Variants in DOK7 observed in about 807,000 individuals in gnomAD.
DOK7 encodes the protein docking protein 7.
Under a neutral mutation model 30.7 loss-of-function variants are expected in DOK7, and 32 were observed. The observed-to-expected ratio is 1.04, with a 90% CI of 0.79 to 1.40. The LOEUF is 1.40. Among genes scored for constraint, DOK7 ranks in the 40% most tolerant of loss-of-function variants. DOK7 has a pLI of 0.00. For synonymous variants in DOK7, 447 were observed against 324.1 expected (o/e 1.38, Z -4.07); for missense variants, 1,007 against 699.2 (o/e 1.44, Z -4.97).
chr4:3,498,409 C>T (rs1172839814), downstream of DOK7, among the ~76,000 whole-genome samples: 1 of 152,178 alleles, frequency 6.6e-6, no homozygotes, highest in East Asian at 1.9e-4. Flanking sequence ...CCTCATGCTC[C>T]TTCCTGCTTC....
At chr4:3,463,732 G>A (rs1293140980) in intron 2 of DOK7, among the ~76,000 whole-genome samples, 181 bp downstream of exon 2, 3 of 152,190 alleles carry the variant, frequency 2.0e-5, no homozygotes, top group Non-Finnish European at 1.5e-5. Context: ...GGCCCTGGAC[G>A]GAAGAACCCT....
rs1284744619 is a variant in DOK7, at chr4:3,489,718, G to A, written c.694G>A (p.Ala232Thr). The A allele has an allele frequency of 1.9e-6, 3 of 1,564,346 alleles. No individual in the cohort carries two copies. The East Asian group carries it at 7.1e-5, about 37-fold the overall frequency. ...PGPSTVEERV[A>T]QEALETLQLE... Reference sequence around the variant, plus strand: ...ACCCTCGACTGTGGAGGAGCGTGTGGCCCAGGAAGCCCTGGAAACCCTACA... The same window carrying A: ...ACCCTCGACTGTGGAGGAGCGTGTGACCCAGGAAGCCCTGGAAACCCTACA... The change falls in exon 6 of 7, where the codon GCC becomes ACC. Residue 232 changes from alanine (A) to threonine (T), a missense_variant. By Grantham distance (58) the Ala-to-Thr change is moderately conservative. Transcript: ENST00000340083.
intron 3 of DOK7, 40 bp from the exon 4 acceptor site, chr4:3,476,302 C>CCACCCGCCCA: frequency 6.5e-7 from 1 of 1,531,902 alleles, no homozygotes; most frequent in South Asian, 1.2e-5. Context: ...TCCTCTCACC[C>CCACCCGCCCA]TGCCCGCCCG....
chr4:3,480,958 C>T (rs778860059), intron 4 of DOK7, among the ~76,000 whole-genome samples: 1 of 152,114 alleles, frequency 6.6e-6, no homozygotes, highest in Non-Finnish European at 1.5e-5. Context: ...GGGCGAGCCT[C>T]AGGGGACTTC....
chr4:3,468,995 TGTGA>T (rs1278889418), intron 2 of DOK7, among the ~76,000 whole-genome samples: 6 of 150,784 alleles, frequency 4.0e-5, no homozygotes, highest in African/African-American at 4.9e-5. Flanking sequence ...TGTATGCATG[TGTGA>T]GTGTGCGTGT....
In DOK7 at chr4:3,473,568, T is replaced by G. The variant is rs757400425; in HGVS notation, c.263T>G (p.Met88Arg). ...LAIVCLSQAI[M>R]LGFDSHEAMC... ...ATTGTCTGCCTGTCCCAGGCCATCA[T>G]GCTGGGCTTTGACAGCCACGAGGCC... is the stretch of plus-strand genomic sequence containing the variant. Residue 88 changes from methionine (M) to arginine (R), a missense_variant, in exon 3 of 7, where the codon ATG (methionine) becomes AGG (arginine). Physicochemically the swap from Met to Arg is moderately conservative, Grantham distance 91. Transcript: ENST00000340083. 1 of 1,609,936 alleles carries G rather than the reference T, an allele frequency of 6.2e-7. No individual in the cohort carries two copies. The highest frequency in any genetic ancestry group is 1.1e-5 in the South Asian group (1 of 90,950).
intron 2 of DOK7, among the ~76,000 whole-genome samples, chr4:3,471,229 CAG>C (rs1726742165): frequency 6.6e-6 from 1 of 152,376 alleles, no homozygotes; most frequent in South Asian, 2.1e-4. Context: ...TTACTGCACA[CAG>C]GGCCTCCACA....
chr4:3,499,346 G>A (rs1254790256), downstream of DOK7, among the ~76,000 whole-genome samples: 1 of 152,172 alleles, frequency 6.6e-6, no homozygotes, highest in Non-Finnish European at 1.5e-5. Context: ...GGGAATGGGG[G>A]GGGACTTGCT....
intron 4 of DOK7, among the ~76,000 whole-genome samples, chr4:3,477,457 G>A (rs978648967): frequency 5.3e-5 from 8 of 152,254 alleles, no homozygotes; most frequent in Non-Finnish European, 1.0e-4. Context: ...CTGGCCGCCT[G>A]GGACCTCATC....
rs188050306 is a variant in DOK7 at position 3,479,477 on chromosome 4, T to A, written c.532+2935T>A. Among the ~76,000 whole-genome samples the A allele has an allele frequency of 1.0e-3, 156 of 152,322 alleles. 2 individuals are homozygous for A. The highest frequency in any genetic ancestry group is 3.6e-3 in the African/African-American group (151 of 41,556). On this transcript the variant is annotated intron_variant, in intron 4 of 6. Transcript: ENST00000340083. ...GGTGTCGTCACATTCAGTCTGGAGG[T>A]CACAGCTGGGCTGGAGTCGTGGGAA...
At chr4:3,476,245 T>TCCCCCCCC in intron 3 of DOK7, 97 bp from the exon 4 acceptor site, 1 of 634,014 alleles carries the variant, frequency 1.6e-6, no homozygotes, top group African/African-American at 2.7e-5. Flanking sequence ...TGATGCCCTC[T>TCCCCCCCC]CACCCCACCC....
At position 3,476,490 on chromosome 4, in the gene DOK7, C is replaced by T. The variant is rs550024569; in HGVS notation, c.480C>T (p.Tyr160=). The T allele has an allele frequency of 2.4e-5, 39 of 1,613,892 alleles. No homozygotes were observed. The Admixed American group carries it at 2.5e-4, about 10-fold the overall frequency. ...GGAAGCTGTCTGACCTCCGGCGCTA[C>T]GGGGCCGTGCCAAGCGGATTCATCT... ...GQWKLSDLRR[Y]GAVPSGFIFE... is the part of the protein sequence containing the mutation. The change falls in exon 4 of 7, where the codon TAC becomes TAT. Residue 160 remains tyrosine (Y), a synonymous_variant. Coordinates refer to ENST00000340083, the MANE Select transcript of DOK7 (RefSeq NM_173660.5).
chr4:3,473,839 G>T (rs1381273234), intron 3 of DOK7, among the ~76,000 whole-genome samples: 2 of 152,220 alleles, frequency 1.3e-5, no homozygotes, highest in Non-Finnish European at 2.9e-5. Flanking sequence ...GGGCTATGGT[G>T]TCTTTAGAGC....
rs374216299 is a variant in DOK7, at chr4:3,468,687, T to C, written c.101-4719T>C. Among the ~76,000 whole-genome samples the C allele has an allele frequency of 8.7e-4, 129 of 148,286 alleles. 1 individual carries two copies. The highest frequency in any genetic ancestry group is 2.2e-3 in the Admixed American group (33 of 14,980). On this transcript the variant is annotated intron_variant, in intron 2 of 6. Transcript: ENST00000340083. ...GTGTGCCTGTGTGCATGCCTGTGTG[T>C]GCATGTATGTCTGTGTATGTGTGTG...
downstream of DOK7, among the ~76,000 whole-genome samples, chr4:3,498,442 A>C (rs2858033): frequency 0.7 from 106,315 of 152,138 alleles, 37,651 homozygotes; most frequent in East Asian, 0.93. Context: ...TCACCGCCCA[A>C]CCTTGGGAGC....
At position 3,493,331 on chromosome 4, in the gene DOK7, A is replaced by G. The variant is rs976999984; in HGVS notation, c.1345A>G (p.Thr449Ala). The change falls in exon 7 of 7, where the codon ACG becomes GCG. Residue 449 changes from threonine (T) to alanine (A), a missense_variant. By Grantham distance (58) the Thr-to-Ala change is moderately conservative. Coordinates refer to ENST00000340083, the MANE Select transcript of DOK7 (RefSeq NM_173660.5). The part of the protein sequence containing the change: ...SAGCPSGWLG[T>A]RRRGLVMEAP... ...CGGGTGTCCCTCTGGCTGGCTGGGC[A>G]CGAGACGGCGGGGCCTGGTGATGGA... is the stretch of plus-strand genomic sequence containing the variant. 2.5e-6 allele frequency: 4 copies of G among 1,601,798 alleles called. No homozygotes were observed. The highest frequency in any genetic ancestry group is 3.4e-6 in the Non-Finnish European group (4 of 1,174,470).
intron 6 of DOK7, among the ~76,000 whole-genome samples, chr4:3,492,329 G>A (rs1020778338): frequency 5.9e-5 from 9 of 152,100 alleles, no homozygotes; most frequent in South Asian, 2.1e-4. Context: ...GGAAGTTCTT[G>A]GGGAAGGGAC....
intron 4 of DOK7, 73 bp downstream of exon 4, chr4:3,476,615 G>A (rs909622102): frequency 1.3e-6 from 2 of 1,592,982 alleles, no homozygotes; most frequent in East Asian, 2.2e-5. Context: ...CTGGCTTCGG[G>A]CCGGCCGACC....
intron 3 of DOK7, 106 bp from the exon 4 acceptor site, chr4:3,476,215 CCTCTCGCCCCGCCTGCCCGTG>C: frequency 1.1e-6 from 1 of 899,666 alleles, no homozygotes; most frequent in African/African-American, 2.0e-5. Flanking sequence ...CCCATGATGC[CCTCTCGCCCCGCCTGCCCGTG>C]ATGCCCTCTC....
Sources: gnomAD v4.1 joint callset for allele counts (sites outside exome capture counted in the v4.1 genomes callset) on GRCh38, gnomAD v4.1.1 for gene constraint, MANE v1.5 for transcripts, NCBI Gene and HGNC (gene_info 2026-07-23, HGNC 2026-07-21) for gene names.